The following PM20D2 variants were observed in gnomAD, a reference collection of about 807,000 sequenced individuals.
PM20D2 encodes the protein xaa-Arg dipeptidase.
Under a neutral mutation model 42.9 loss-of-function variants are expected in PM20D2, and 33 were observed. The observed-to-expected ratio is 0.77, with a 90% confidence interval of 0.58 to 1.03. The LOEUF (loss-of-function observed/expected upper bound fraction) is 1.03, where lower values mean the gene tolerates loss of function less well. Ranked by LOEUF, PM20D2 falls within the 50% of genes least tolerant of loss-of-function variation. PM20D2 has a pLI of 0.00. For synonymous variants in PM20D2, 250 were observed against 228.2 expected (o/e 1.10, Z -0.86); for missense variants, 548 against 557.0 (o/e 0.98, Z 0.16).
upstream of PM20D2, chr6:89,146,048 C>T (rs892687332): frequency 7.2e-6 from 8 of 1,104,316 alleles, no homozygotes; most frequent in East Asian, 1.6e-4. Context: ...CGCGCTCCGC[C>T]GGGGTCCTGG....
rs762673318 is a variant in PM20D2 at position 89,146,131 on chromosome 6, C to T, written c.-14C>T. On this transcript the variant is annotated 5_prime_UTR_variant, in exon 1 of 7. Transcript: ENST00000275072. ...GGGAGCGAGAGGGCGCAGAGGGCAG[C>T]GGGCTTGGGCAGCATGAGGCCCGGA... 9.0e-6 allele frequency: 13 copies of T among 1,440,156 alleles called. No individual in the cohort carries two copies. Among genetic ancestry groups the T allele is most frequent in the South Asian group, 1.5e-5 (1 of 68,456 alleles). The allele number at this position is 1,440,156 out of a possible 1,614,324, so 89.2% of individuals were successfully genotyped here. A position where few individuals can be genotyped will look rare whatever the true frequency, so the allele number is the denominator to read the frequency against.
the PM20D2 span, among the ~76,000 whole-genome samples, chr6:89,129,295 A>G: frequency 1.2e-4 from 18 of 152,236 alleles, 2 homozygotes; most frequent in Admixed American, 4.6e-4. Context: ...CACAGAATGA[A>G]AAAAGGGGTG....
the PM20D2 span, chr6:89,098,671 A>C: frequency 6.2e-7 from 1 of 1,614,030 alleles, no homozygotes; most frequent in Non-Finnish European, 8.5e-7. Flanking sequence ...CAGAATTGGT[A>C]TACCCTTTGG....
At chr6:89,117,756 T>C in the PM20D2 span, 1 of 1,466,292 alleles carries the variant, frequency 6.8e-7, no homozygotes, top group South Asian at 1.3e-5. Context: ...GCCTCGGCCG[T>C]GCTCCGCGGC....
At chr6:89,149,472 A>G in intron 2 of PM20D2, 59 bp downstream of exon 2, 5 of 1,563,458 alleles carry the variant, frequency 3.2e-6, no homozygotes, top group South Asian at 2.3e-5. Flanking sequence ...GAATACTTTT[A>G]TGTCTAAACC....
chr6:89,115,647 T>C, the PM20D2 span, among the ~76,000 whole-genome samples: 72,886 of 128,786 alleles, frequency 0.57, 18,195 homozygotes, highest in East Asian at 0.7. Flanking sequence ...TTTTTTTTTT[T>C]TTTTTTGAGA....
At chr6:89,147,743 A>T (rs1770646361) in intron 1 of PM20D2, among the ~76,000 whole-genome samples, 2 of 150,498 alleles carry the variant, frequency 1.3e-5, no homozygotes, top group Admixed American at 6.6e-5. Context: ...AAAAAAAAAA[A>T]TTAGCTGGGC....
rs1329031691 is a variant in PM20D2, at chr6:89,162,539, G to A, written c.*276G>A. The A allele has an allele frequency of 4.0e-6, 1 of 248,814 alleles. No individual in the cohort carries two copies. Among genetic ancestry groups the A allele is most frequent in the Non-Finnish European group, 7.7e-6 (1 of 130,718 alleles). 15.4% of individuals were successfully genotyped at this position (248,814 alleles called of 1,614,324 possible). A position where few individuals can be genotyped will look rare whatever the true frequency, so the allele number is the denominator to read the frequency against. ...CCCGCAACCACTCACCTTCACAGTA[G>A]TGATACCATTTCTTAACCTGGAGGA... On this transcript the variant is annotated 3_prime_UTR_variant, in exon 7 of 7. Transcript: ENST00000275072.
At chr6:89,128,273 G>A in the PM20D2 span, among the ~76,000 whole-genome samples, 11 of 152,074 alleles carry the variant, frequency 7.2e-5, no homozygotes, top group Non-Finnish European at 8.8e-5. Context: ...GTCTATAAAC[G>A]GCTGCTCTGG....
chr6:89,158,206 TG>T, intron 4 of PM20D2, 118 bp from the exon 5 acceptor site: 1 of 880,286 alleles, frequency 1.1e-6, no homozygotes, highest in Non-Finnish European at 1.7e-6. Flanking sequence ...TGTTTATATC[TG>T]GAAGGGAAAG....
At position 89,162,363 on chromosome 6, in the gene PM20D2, A is replaced by C; in HGVS notation, c.*100A>C. On this transcript the variant is annotated 3_prime_UTR_variant, in exon 7 of 7. Coordinates refer to ENST00000275072, the MANE Select transcript of PM20D2 (RefSeq NM_001010853.3). The stretch of plus-strand genomic sequence containing the variant: ...CTTGTTTTTTAATCTTAAAGGAGTA[A>C]AATTCTTTTTACCTGATAAGTGAGG... 8.2e-7 allele frequency: 1 copy of C among 1,219,446 alleles called. No homozygotes were observed. Among genetic ancestry groups the C allele is most frequent in the Non-Finnish European group, 1.1e-6 (1 of 886,556 alleles). 75.5% of individuals were successfully genotyped at this position (1,219,446 alleles called of 1,614,324 possible). A position where few individuals can be genotyped will look rare whatever the true frequency, so the allele number is the denominator to read the frequency against.
the PM20D2 span, among the ~76,000 whole-genome samples, chr6:89,099,457 T>TATATATATACACAC: frequency 1.4e-5 from 2 of 145,326 alleles, no homozygotes; most frequent in East Asian, 2.2e-4. Context: ...TATATGTGTG[T>TATATATATACACAC]ATATATGTGT....
the PM20D2 span, among the ~76,000 whole-genome samples, chr6:89,109,036 T>C: frequency 6.6e-6 from 1 of 152,156 alleles, no homozygotes; most frequent in Non-Finnish European, 1.5e-5. Context: ...CAAATACTTA[T>C]TGAGCACCTA....
the PM20D2 span, chr6:89,097,531 A>C: frequency 6.6e-6 from 1 of 151,748 alleles, no homozygotes; most frequent in South Asian, 2.1e-4. Flanking sequence ...CTTTTTTTTA[A>C]ATTTTAGAGA....
At chr6:89,147,052 T>G (rs898317958) in intron 1 of PM20D2, among the ~76,000 whole-genome samples, 2 of 152,230 alleles carry the variant, frequency 1.3e-5, no homozygotes, top group African/African-American at 4.8e-5. Context: ...ATCTTTTGTT[T>G]GTGGCAGTCC....
chr6:89,151,258 T>A (rs1770829105), intron 2 of PM20D2, among the ~76,000 whole-genome samples: 1 of 142,342 alleles, frequency 7.0e-6, no homozygotes, highest in Non-Finnish European at 1.5e-5. Context: ...TCCGAGAGAG[T>A]CTCGTTTTGT....
the PM20D2 span, among the ~76,000 whole-genome samples, chr6:89,100,106 AAAG>A: frequency 1.3e-5 from 2 of 152,182 alleles, no homozygotes; most frequent in Non-Finnish European, 2.9e-5. Flanking sequence ...TAGAGACCAA[AAAG>A]TACCTCTAAA....
chr6:89,134,013 A>T, the PM20D2 span, among the ~76,000 whole-genome samples: 1 of 151,350 alleles, frequency 6.6e-6, no homozygotes, highest in Non-Finnish European at 1.5e-5. Flanking sequence ...CGGATGAATA[A>T]CGTACACTGA....
chr6:89,120,031 GCAGA>G, the PM20D2 span, among the ~76,000 whole-genome samples: 3 of 152,172 alleles, frequency 2.0e-5, no homozygotes, highest in Non-Finnish European at 4.4e-5. Flanking sequence ...TTACATGGTG[GCAGA>G]CAGAGAATGA....
Sources: gnomAD v4.1 joint callset for allele counts (sites outside exome capture counted in the v4.1 genomes callset) on GRCh38, gnomAD v4.1.1 for gene constraint, MANE v1.5 for transcripts, NCBI Gene and HGNC (gene_info 2026-07-23, HGNC 2026-07-21) for gene names.